GNA15: variants seen among roughly 807,000 people sequenced by gnomAD.
GNA15 encodes the protein G protein subunit alpha 15, also known as guanine nucleotide-binding protein subunit alpha-15.
GNA15 carries 23 observed loss-of-function variants against 40.1 expected under a neutral mutation model. The observed-to-expected ratio is 0.57, with a 90% CI of 0.41 to 0.81. GNA15 has a LOEUF of 0.81. GNA15 is among the 40% of genes least tolerant of loss of function. GNA15 has a pLI of 0.00. For missense variants in GNA15, 522 were observed against 515.8 expected (o/e 1.01, Z -0.12); for synonymous variants, 226 against 210.4 (o/e 1.07, Z -0.64).
At chr19:3,139,598 CAAAA>C (rs35737557) in intron 1 of GNA15, among the ~76,000 whole-genome samples, 6 of 105,328 alleles carry the variant, frequency 5.7e-5, no homozygotes, top group Admixed American at 1.9e-4. Flanking sequence ...GACTCTGTCT[CAAAA>C]AAAAAAAAAA....
At chr19:3,153,518 T>C (rs1203893689) in intron 4 of GNA15, among the ~76,000 whole-genome samples, 1 of 147,054 alleles carries the variant, frequency 6.8e-6, no homozygotes, top group Non-Finnish European at 1.5e-5. Context: ...GATACATGAA[T>C]GGATGAGTGG....
In GNA15 at chr19:3,136,304, C is replaced by T; in HGVS notation, c.-147C>T. The T allele has an allele frequency of 1.4e-5, 11 of 763,588 alleles. No individual in the cohort carries two copies. In the South Asian group the frequency reaches 2.1e-4, roughly 14 times the overall value. The allele number at this position is 763,588 out of a possible 1,614,324, so 47.3% of individuals were successfully genotyped here. A position where few individuals can be genotyped will look rare whatever the true frequency, so the allele number is the denominator to read the frequency against. ...TGTTTCAGGCAAGGAAGTCTAGGTCCCTGGGGGGTGACCCCCAAGGAAAAG... is the reference window on the plus strand; with the variant it reads ...TGTTTCAGGCAAGGAAGTCTAGGTCTCTGGGGGGTGACCCCCAAGGAAAAG... On this transcript the variant is annotated 5_prime_UTR_variant, in exon 1 of 7. Coordinates refer to ENST00000262958, the MANE Select transcript of GNA15 (RefSeq NM_002068.4). The surrounding 1 kb of genome is among the most constrained non-coding windows in gnomAD (Gnocchi z 4.9).
chr19:3,145,359 A>ATATATATAT, intron 1 of GNA15, among the ~76,000 whole-genome samples: 843 of 46,904 alleles, frequency 0.018, 18 homozygotes, highest in Non-Finnish European at 0.022. Flanking sequence ...ATATATATAT[A>ATATATATAT]TTTTTTTTTT....
chr19:3,138,631 T>A (rs924442375), intron 1 of GNA15, among the ~76,000 whole-genome samples: 2 of 152,068 alleles, frequency 1.3e-5, no homozygotes, highest in Admixed American at 6.6e-5. Context: ...CTTTTCTTAT[T>A]TTTATTTTTA....
chr19:3,136,347 C>T lies in GNA15; in HGVS notation c.-104C>T. ...AGGAAAAGGCAGCCTCCCTGCGCAC[C>T]CGGTTGCCCGGAGCCCTCTCCAGGG... On this transcript the variant is annotated 5_prime_UTR_variant, in exon 1 of 7. Coordinates refer to ENST00000262958, the MANE Select transcript of GNA15 (RefSeq NM_002068.4). This position sits in a 1 kb window ranked among gnomAD's most constrained non-coding sequence, Gnocchi z 4.9. The T allele has an allele frequency of 1.7e-6, 2 of 1,200,950 alleles. No individual in the cohort carries two copies. The highest frequency in any genetic ancestry group is 3.2e-5 in the South Asian group (2 of 63,116). The allele number at this position is 1,200,950 out of a possible 1,614,324, so 74.4% of individuals were successfully genotyped here.
In GNA15 at chr19:3,136,433, G is replaced by T; in HGVS notation, c.-18G>T. On this transcript the variant is annotated 5_prime_UTR_variant, in exon 1 of 7. Coordinates refer to ENST00000262958, the MANE Select transcript of GNA15 (RefSeq NM_002068.4). The surrounding 1 kb of genome is among the most constrained non-coding windows in gnomAD (Gnocchi z 4.9). ...CCCGGGGGCGATGCCACCCGGTGCCGACTGAGGCCACCGCACCATGGCCCG... is the reference window on the plus strand; with the variant it reads ...CCCGGGGGCGATGCCACCCGGTGCCTACTGAGGCCACCGCACCATGGCCCG... 1 of 1,546,782 alleles carries T rather than the reference G, an allele frequency of 6.5e-7. No homozygotes were observed. The highest frequency in any genetic ancestry group is 1.2e-5 in the South Asian group (1 of 83,820).
rs537725161 is a variant in GNA15 at position 3,155,653 on chromosome 19, G to A, written c.615-170G>A. Among the ~76,000 whole-genome samples, 1 of 152,240 alleles carries A rather than the reference G, an allele frequency of 6.6e-6. No homozygotes were observed. The highest frequency in any genetic ancestry group is 1.9e-4 in the East Asian group (1 of 5,180). On this transcript the variant is annotated intron_variant, in intron 4 of 6. Coordinates refer to ENST00000262958, the MANE Select transcript of GNA15 (RefSeq NM_002068.4). This position sits in a 1 kb window ranked among gnomAD's most constrained non-coding sequence, Gnocchi z 5.6. ...CAGGCTTCTCATCTGTAAAATGGGC[G>A]TAAGACTCATCCTTGCCTCGCGGGA...
chr19:3,143,975 T>G (rs2144843923), intron 1 of GNA15, among the ~76,000 whole-genome samples: 1 of 151,636 alleles, frequency 6.6e-6, no homozygotes, highest in East Asian at 1.9e-4. Context: ...ACAAAAAAAA[T>G]TAGCTGGGCA....
At chr19:3,140,009 G>A (rs893802308) in intron 1 of GNA15, among the ~76,000 whole-genome samples, 8 of 101,724 alleles carry the variant, frequency 7.9e-5, no homozygotes, top group Non-Finnish European at 1.8e-4. Context: ...CTCCAGCCTA[G>A]GCAATAAGAG....
Position 3,163,103 on chromosome 19 carries a change from A to G in GNA15, c.*84A>G, listed in dbSNP as rs1440575204. On this transcript the variant is annotated 3_prime_UTR_variant, in exon 7 of 7. Transcript: ENST00000262958. ...CAGGGACCCCTAGTGTCCCTGGTCT[A>G]TCTCTCCAGCCTCGGCCCACACGCA... The G allele has an allele frequency of 5.8e-6, 5 of 859,386 alleles. No individual in the cohort carries two copies. In the African/African-American group the frequency reaches 6.6e-5, roughly 11 times the overall value. 53.2% of individuals were successfully genotyped at this position (859,386 alleles called of 1,614,324 possible).
chr19:3,162,479 T>C (rs895496717), intron 6 of GNA15, among the ~76,000 whole-genome samples: 3 of 152,182 alleles, frequency 2.0e-5, no homozygotes, highest in Admixed American at 2.0e-4. Flanking sequence ...ATTCCAGTCT[T>C]CCAACTGCAC....
chr19:3,156,357 CAT>C (rs1915021276), intron 5 of GNA15, among the ~76,000 whole-genome samples: 1 of 151,948 alleles, frequency 6.6e-6, no homozygotes, highest in Non-Finnish European at 1.5e-5. Context: ...GCACCACACA[CAT>C]GCACACTTGC....
intron 5 of GNA15, among the ~76,000 whole-genome samples, chr19:3,156,550 T>C (rs1279124368): frequency 6.6e-6 from 1 of 152,178 alleles, no homozygotes; most frequent in Non-Finnish European, 1.5e-5. Flanking sequence ...TGGAGTGCAG[T>C]GGCGCGATCT....
Position 3,162,781 on chromosome 19 carries a change from C to G in GNA15, c.899-12C>G. On this transcript the variant is annotated splice_polypyrimidine_tract_variant and intron_variant, in intron 6 of 6. Coordinates refer to ENST00000262958, the MANE Select transcript of GNA15 (RefSeq NM_002068.4). ...GGAGGGTCCTCACCCCCTTCCCACACTGTTTCCCCAGGCCCTAAGCAGGAT... is the reference window on the plus strand; with the variant it reads ...GGAGGGTCCTCACCCCCTTCCCACAGTGTTTCCCCAGGCCCTAAGCAGGAT... The G allele has an allele frequency of 6.2e-7, 1 of 1,600,034 alleles. No individual in the cohort carries two copies. Among genetic ancestry groups the G allele is most frequent in the East Asian group, 2.2e-5 (1 of 44,778 alleles).
At chr19:3,140,292 G>C (rs1035639318) in intron 1 of GNA15, among the ~76,000 whole-genome samples, 1 of 152,028 alleles carries the variant, frequency 6.6e-6, no homozygotes, top group African/African-American at 2.4e-5. Context: ...TTGTTCTCCT[G>C]CTACTGTCTG....
In GNA15 at chr19:3,155,762, G is replaced by C; in HGVS notation, c.615-61G>C. 6.3e-7 allele frequency: 1 copy of C among 1,580,482 alleles called. No homozygotes were observed. Among genetic ancestry groups the C allele is most frequent in the Admixed American group, 1.7e-5 (1 of 58,404 alleles). On this transcript the variant is annotated intron_variant, in intron 4 of 6. Coordinates refer to ENST00000262958, the MANE Select transcript of GNA15 (RefSeq NM_002068.4). This position sits in a 1 kb window ranked among gnomAD's most constrained non-coding sequence, Gnocchi z 5.6. Reference sequence around the variant, plus strand: ...TTGGCATATCCCAGACGTGATGGGGGTTGGGGGTGTCACGGAGCAGGCTCC... The same window carrying C: ...TTGGCATATCCCAGACGTGATGGGGCTTGGGGGTGTCACGGAGCAGGCTCC...
rs1914458723 is a variant in GNA15, at chr19:3,136,399, C to T, written c.-52C>T. ...CGGCTGGGCTGGGGGTTGCCCTGGC[C>T]AGCAGGGGCCCGGGGGCGATGCCAC... On this transcript the variant is annotated 5_prime_UTR_variant, in exon 1 of 7. Transcript: ENST00000262958. This position sits in a 1 kb window ranked among gnomAD's most constrained non-coding sequence, Gnocchi z 4.9. The T allele has an allele frequency of 3.3e-6, 5 of 1,530,280 alleles. No individual in the cohort carries two copies. The highest frequency in any genetic ancestry group is 1.2e-5 in the South Asian group (1 of 81,504). The allele number at this position is 1,530,280 out of a possible 1,614,324, so 94.8% of individuals were successfully genotyped here.
Position 3,157,901 on chromosome 19 carries a change from T to C in GNA15, c.898+20T>C, listed in dbSNP as rs372013481. The C allele has an allele frequency of 5.0e-6, 8 of 1,587,594 alleles. No individual in the cohort carries two copies. The African/African-American group carries it at 5.4e-5, about 11-fold the overall frequency. On this transcript the variant is annotated intron_variant, in intron 6 of 6. Transcript: ENST00000262958. ...TCCAGGGTAAGTAATTCTAGAACTT[T>C]CTATACCCTTCAACTCCCAAAAGCA... is the stretch of plus-strand genomic sequence containing the variant.
intron 1 of GNA15, among the ~76,000 whole-genome samples, chr19:3,139,921 C>G (rs2144839533): frequency 1.3e-5 from 2 of 151,878 alleles, no homozygotes; most frequent in Middle Eastern, 6.8e-3. Context: ...GTAGTCCCAG[C>G]TACTTGGGAG....
Sources: allele counts gnomAD v4.1 joint callset (sites outside exome capture counted in the v4.1 genomes callset), GRCh38; gene constraint gnomAD v4.1.1; non-coding constraint Gnocchi (gnomAD v3.1); transcripts MANE v1.5; gene names NCBI Gene and HGNC (gene_info 2026-07-23, HGNC 2026-07-21).